GRIK4: variants seen among roughly 807,000 people sequenced by gnomAD.
GRIK4 encodes glutamate ionotropic receptor kainate type subunit 4.
A neutral mutation model predicts 104.9 loss-of-function variants in GRIK4; 40 were observed. The observed-to-expected ratio is 0.38, with a 90% CI of 0.30 to 0.50. The LOEUF (loss-of-function observed/expected upper bound fraction) is 0.50. Ranked by LOEUF, GRIK4 falls within the 20% of genes least tolerant of loss-of-function variation. The pLI is 0.93. For missense variants in GRIK4, 1,047 were observed against 1,308.1 expected, an observed-to-expected ratio of 0.80 and a Z score of 3.08; for synonymous variants, 485 against 524.9, an observed-to-expected ratio of 0.92 and a Z score of 1.04.
At chr11:120,570,937 G>T (rs756286829) in intron 1 of GRIK4, among the ~76,000 whole-genome samples, 3 of 152,164 alleles carry the variant, frequency 2.0e-5, no homozygotes, top group Non-Finnish European at 4.4e-5. Context: ...TTGTTCTGAA[G>T]TTGGTAACTG....
Position 120,962,621 on chromosome 11 carries a change from A to G in GRIK4, c.2206A>G (p.Asn736Asp). 1 of 1,614,140 alleles carries G rather than the reference A, an allele frequency of 6.2e-7. No homozygotes were observed. Among genetic ancestry groups the G allele is most frequent in the South Asian group, 1.1e-5 (1 of 91,070 alleles). The change falls in exon 18 of 21, where the codon AAC (asparagine) becomes GAC (aspartate). Residue 736 changes from asparagine to aspartate, a missense_variant. Physicochemically the swap from Asn to Asp is conservative, Grantham distance 23. Coordinates refer to ENST00000527524, the MANE Select transcript of GRIK4 (RefSeq NM_014619.5). ...MNEYYRQRNC[N>D]LTQIGGLLDT... ...CGAGTACTATCGGCAGCGAAACTGCAACCTCACTCAGATTGGGGGCCTGCT... is the reference window on the plus strand; with the variant it reads ...CGAGTACTATCGGCAGCGAAACTGCGACCTCACTCAGATTGGGGGCCTGCT...
intron 12 of GRIK4, among the ~76,000 whole-genome samples, chr11:120,899,418 CAAAA>C (rs57401981): frequency 1.4e-5 from 1 of 71,806 alleles, no homozygotes; most frequent in Non-Finnish European, 2.9e-5. Flanking sequence ...GAGACTGTCT[CAAAA>C]AAAAAAAAAA....
intron 11 of GRIK4, among the ~76,000 whole-genome samples, chr11:120,883,124 T>C (rs1450061472): frequency 6.6e-6 from 1 of 152,080 alleles, no homozygotes; most frequent in African/African-American, 2.4e-5. Context: ...CAGTGCAGGC[T>C]TGGAGAGCGA....
At chr11:120,800,469 G>T (rs1210534109) in intron 3 of GRIK4, among the ~76,000 whole-genome samples, 1 of 152,164 alleles carries the variant, frequency 6.6e-6, no homozygotes, top group African/African-American at 2.4e-5. Context: ...GCAGGTGGGG[G>T]TGTGGGGGTG....
At chr11:120,882,491 G>A (rs1180224457) in intron 11 of GRIK4, among the ~76,000 whole-genome samples, 1 of 152,182 alleles carries the variant, frequency 6.6e-6, no homozygotes, top group African/African-American at 2.4e-5. Context: ...CCCAGAACCA[G>A]TGGGAGTGAC....
chr11:120,697,342 G>A (rs554579512), intron 3 of GRIK4, among the ~76,000 whole-genome samples: 11 of 152,330 alleles, frequency 7.2e-5, no homozygotes, highest in Admixed American at 2.6e-4. Flanking sequence ...GGAGCTGGGC[G>A]CAGTGGCTCA....
rs78233909 is a variant in GRIK4 at position 120,606,824 on chromosome 11, C to T, written c.-158-46861C>T. On this transcript the variant is annotated intron_variant, in intron 1 of 20. Transcript: ENST00000527524. ...AGCTAAGAATGAGTTTGCAGATGGCCGAGGAGGATAAGGGCGTTCCAGTCA... is the reference window on the plus strand; with the variant it reads ...AGCTAAGAATGAGTTTGCAGATGGCTGAGGAGGATAAGGGCGTTCCAGTCA... 1.3e-3 allele frequency among the ~76,000 whole-genome samples: 195 copies of T among 152,228 alleles called. 4 individuals carry two copies. In the East Asian group the frequency reaches 0.033, roughly 26 times the overall value.
chr11:120,728,339 T>A, intron 3 of GRIK4, among the ~76,000 whole-genome samples: 1 of 152,168 alleles, frequency 6.6e-6, no homozygotes, highest in Admixed American at 6.5e-5. Context: ...CCTTCAAGTG[T>A]GAAGAACACA....
intron 3 of GRIK4, among the ~76,000 whole-genome samples, chr11:120,735,901 T>G (rs1034713470): frequency 6.6e-5 from 10 of 152,192 alleles, no homozygotes; most frequent in African/African-American, 2.2e-4. Flanking sequence ...TGGTGAATAC[T>G]GCCAGGTCTG....
chr11:120,839,884 G>A (rs957284220), intron 8 of GRIK4, among the ~76,000 whole-genome samples: 4 of 152,194 alleles, frequency 2.6e-5, no homozygotes, highest in Admixed American at 6.5e-5. Flanking sequence ...TATCCATCAC[G>A]AATCGAACTT....
intron 3 of GRIK4, among the ~76,000 whole-genome samples, chr11:120,800,515 G>A (rs1952602516): frequency 6.6e-6 from 1 of 152,138 alleles, no homozygotes; most frequent in African/African-American, 2.4e-5. Flanking sequence ...TCACATTTAT[G>A]GTGCTCTGGT....
intron 1 of GRIK4, among the ~76,000 whole-genome samples, chr11:120,627,667 C>T (rs1949279237): frequency 6.6e-6 from 1 of 152,152 alleles, no homozygotes; most frequent in Non-Finnish European, 1.5e-5. Flanking sequence ...CCCTGAAGGG[C>T]CTAAGGGCAG....
At chr11:120,782,219 T>G (rs2135475427) in intron 3 of GRIK4, among the ~76,000 whole-genome samples, 1 of 152,144 alleles carries the variant, frequency 6.6e-6, no homozygotes, top group Non-Finnish European at 1.5e-5. Flanking sequence ...TGGTTCTCTG[T>G]CCTGTCCGTC....
At chr11:120,538,210 C>G (rs955338933) in intron 1 of GRIK4, among the ~76,000 whole-genome samples, 1 of 152,240 alleles carries the variant, frequency 6.6e-6, no homozygotes, top group African/African-American at 2.4e-5. Context: ...GACGAGGCTG[C>G]TTTCCAAGAC....
chr11:120,523,554 C>T (rs1217163538), intron 1 of GRIK4, among the ~76,000 whole-genome samples: 30 of 152,194 alleles, frequency 2.0e-4, no homozygotes, highest in Admixed American at 2.0e-3. Context: ...TGCGTTACTG[C>T]AGGTCCTCAC....
chr11:120,721,947 A>G (rs1205149769), intron 3 of GRIK4, among the ~76,000 whole-genome samples: 1 of 152,210 alleles, frequency 6.6e-6, no homozygotes, highest in South Asian at 2.1e-4. Flanking sequence ...CATGTTTTAC[A>G]TGTTTTAACT....
At chr11:120,923,860 C>T (rs1169513366) in intron 13 of GRIK4, among the ~76,000 whole-genome samples, 1 of 152,220 alleles carries the variant, frequency 6.6e-6, no homozygotes, top group East Asian at 1.9e-4. Flanking sequence ...ACCCAGGACC[C>T]TCTGATGGCT....
intron 2 of GRIK4, among the ~76,000 whole-genome samples, chr11:120,655,200 C>T (rs1949687540): frequency 1.3e-5 from 2 of 151,764 alleles, no homozygotes; most frequent in Non-Finnish European, 2.9e-5. Flanking sequence ...GGTATGGTGG[C>T]AGCAGATGGG....
In GRIK4 at chr11:120,986,354, G is replaced by GGACTGGGCCACCC; in HGVS notation, c.*94_*95insGACTGGGCCACCC. Reference sequence around the variant, plus strand: ...TCAGCCGCCAGCCGGAACTTGTACAGCGTCGACACCTCTCCAGATTTCGGA... The same window carrying GGACTGGGCCACCC: ...TCAGCCGCCAGCCGGAACTTGTACAGGACTGGGCCACCCCGTCGACACCTCTCCAGATTTCGGA... On this transcript the variant is annotated 3_prime_UTR_variant, in exon 21 of 21. Coordinates refer to ENST00000527524, the MANE Select transcript of GRIK4 (RefSeq NM_014619.5). The GGACTGGGCCACCC allele has an allele frequency of 7.4e-7, 1 of 1,360,522 alleles. No individual in the cohort carries two copies. Among genetic ancestry groups the GGACTGGGCCACCC allele is most frequent in the Non-Finnish European group, 9.5e-7 (1 of 1,048,218 alleles). The allele number at this position is 1,360,522 out of a possible 1,614,324, so 84.3% of individuals were successfully genotyped here.
Sources: gnomAD v4.1 joint callset for allele counts (sites outside exome capture counted in the v4.1 genomes callset) on GRCh38, gnomAD v4.1.1 for gene constraint, MANE v1.5 for transcripts, NCBI Gene and HGNC (gene_info 2026-07-23, HGNC 2026-07-21) for gene names.